The following TPH2 variants were observed in gnomAD, a reference collection of about 807,000 sequenced individuals.
The protein encoded by TPH2 is tryptophan hydroxylase 2, also known as tryptophan 5-hydroxylase 2.
In TPH2, 27 loss-of-function variants were observed where a neutral mutation model predicts 59.1. That is an observed-to-expected ratio of 0.46 (90% CI 0.34 to 0.63). The LOEUF is 0.63. Among genes scored for constraint, TPH2 ranks in the 30% least tolerant of loss-of-function variants. The pLI is 0.01. For synonymous variants in TPH2, 220 were observed against 210.5 expected (o/e 1.05, Z -0.39); for missense variants, 523 against 588.3 (o/e 0.89, Z 1.15).
chr12:71,987,900 C>T (rs1017933), intron 7 of TPH2, among the ~76,000 whole-genome samples: 128,823 of 152,170 alleles, frequency 0.85, 54,638 homozygotes, highest in East Asian at 0.96. Flanking sequence ...ACAATCTCCA[C>T]TTTATAGATG....
At chr12:71,954,907 A>T (rs1257081998) in intron 5 of TPH2, among the ~76,000 whole-genome samples, 2 of 151,984 alleles carry the variant, frequency 1.3e-5, no homozygotes, top group Non-Finnish European at 2.9e-5. Flanking sequence ...CTGAGCTCCT[A>T]CTTTAATTAT....
intron 8 of TPH2, among the ~76,000 whole-genome samples, chr12:72,005,826 A>G (rs1284510203): frequency 6.6e-6 from 1 of 152,144 alleles, no homozygotes; most frequent in Non-Finnish European, 1.5e-5. Context: ...TTTTCCACAC[A>G]TATTTCCTCA....
chr12:72,031,218 T>G, intron 9 of TPH2, 40 bp from the exon 10 acceptor site: 1 of 1,612,818 alleles, frequency 6.2e-7, no homozygotes, highest in Non-Finnish European at 8.5e-7. Flanking sequence ...TTCGGAAGTC[T>G]CATTACAGAG....
In TPH2 at chr12:72,002,758, T is replaced by C. The variant is rs557686785; in HGVS notation, c.1068+8193T>C. Among the ~76,000 whole-genome samples, 97 of 78,206 alleles carry C rather than the reference T, an allele frequency of 1.2e-3. No individual in the cohort carries two copies. In the East Asian group the frequency reaches 0.019, roughly 15 times the overall value. The allele number at this position is 78,206 out of a possible 152,430, so 51.3% of individuals were successfully genotyped here. On this transcript the variant is annotated intron_variant, in intron 8 of 10. Transcript: ENST00000333850. ...CAGACCATCACCTATTTTATTTTACTTTTTTTTTTTTTGCAGGAAAGAAGT... is the reference window on the plus strand; with the variant it reads ...CAGACCATCACCTATTTTATTTTACCTTTTTTTTTTTTGCAGGAAAGAAGT...
chr12:71,980,071 G>T (rs1466834459), intron 7 of TPH2, among the ~76,000 whole-genome samples: 1 of 152,166 alleles, frequency 6.6e-6, no homozygotes, highest in East Asian at 1.9e-4. Context: ...AGTCCTGGGT[G>T]CTGTTTTTTG....
At chr12:71,941,231 G>A (rs981219906) in intron 1 of TPH2, among the ~76,000 whole-genome samples, 1 of 152,180 alleles carries the variant, frequency 6.6e-6, no homozygotes, top group Non-Finnish European at 1.5e-5. Flanking sequence ...ACGAGGCTAA[G>A]AGATCAAATT....
chr12:71,987,875 G>C (rs1238355916), intron 7 of TPH2, among the ~76,000 whole-genome samples: 1 of 152,056 alleles, frequency 6.6e-6, no homozygotes, highest in Non-Finnish European at 1.5e-5. Flanking sequence ...AATAATATAA[G>C]AGAGAAGAAA....
chr12:71,958,154 A>G (rs1359962682), intron 5 of TPH2, among the ~76,000 whole-genome samples: 1 of 152,234 alleles, frequency 6.6e-6, no homozygotes, highest in East Asian at 1.9e-4. Flanking sequence ...CCAGGTATAG[A>G]TGCTTAAAAT....
At chr12:71,942,756 T>G (rs1871107491) in intron 2 of TPH2, among the ~76,000 whole-genome samples, 1 of 152,228 alleles carries the variant, frequency 6.6e-6, no homozygotes, top group Non-Finnish European at 1.5e-5. Context: ...AGAAGCCTGA[T>G]TTGGCAAATA....
chr12:72,017,993 T>C (rs1873305477), intron 8 of TPH2, among the ~76,000 whole-genome samples: 1 of 152,218 alleles, frequency 6.6e-6, no homozygotes, highest in South Asian at 2.1e-4. Flanking sequence ...AAGTTTGTGA[T>C]TCAAATTTTG....
chr12:71,961,281 A>G (rs1871674223), intron 5 of TPH2, among the ~76,000 whole-genome samples: 1 of 152,228 alleles, frequency 6.6e-6, no homozygotes, highest in Non-Finnish European at 1.5e-5. Context: ...ATAGTCATTT[A>G]GTCACTCTGT....
At chr12:71,968,432 G>T (rs1480876592) in intron 5 of TPH2, among the ~76,000 whole-genome samples, 1 of 152,176 alleles carries the variant, frequency 6.6e-6, no homozygotes, top group Non-Finnish European at 1.5e-5. Context: ...CTGGGCATTA[G>T]ACTTCATGTT....
intron 8 of TPH2, 74 bp downstream of exon 8, chr12:71,994,639 G>A: frequency 6.4e-7 from 1 of 1,568,658 alleles, no homozygotes; most frequent in Non-Finnish European, 8.7e-7. Context: ...CAGGATTATT[G>A]ACTATGAGTT....
chr12:72,015,783 C>T (rs990344815), intron 8 of TPH2, among the ~76,000 whole-genome samples: 83 of 152,166 alleles, frequency 5.5e-4, no homozygotes, highest in African/African-American at 2.0e-3. Flanking sequence ...GAATTCCCAG[C>T]TTTATAGACA....
rs1381643809 is a variant in TPH2, at chr12:71,972,612, T to C, written c.702T>C (p.His234=). ...AGCTCTCCAAACTCTATCCCACTCA[T>C]GCTTGCCGAGAGTATTTGAAAAACT... ...FRELSKLYPT[H]ACREYLKNFP... Residue 234 remains histidine, a synonymous_variant, in exon 6 of 11, where the codon CAT becomes CAC. Transcript: ENST00000333850. 2 of 1,614,172 alleles carry C rather than the reference T, an allele frequency of 1.2e-6. No individual in the cohort carries two copies. The highest frequency in any genetic ancestry group is 1.7e-6 in the Non-Finnish European group (2 of 1,180,004).
chr12:71,979,130 G>T, intron 7 of TPH2, 43 bp downstream of exon 7: 3 of 1,613,338 alleles, frequency 1.9e-6, no homozygotes, highest in Non-Finnish European at 2.5e-6. Context: ...ACCATAAAGT[G>T]GTCAATGATC....
At chr12:71,946,175 G>T (rs1871192576) in intron 4 of TPH2, among the ~76,000 whole-genome samples, 1 of 152,110 alleles carries the variant, frequency 6.6e-6, no homozygotes, top group South Asian at 2.1e-4. Context: ...GACCTCAAAG[G>T]GGTGTTTGAA....
chr12:71,966,136 A>G (rs890666448), intron 5 of TPH2, among the ~76,000 whole-genome samples: 4 of 152,220 alleles, frequency 2.6e-5, no homozygotes, highest in African/African-American at 7.2e-5. Flanking sequence ...ATTATGCCAA[A>G]TTCAGGGTAT....
intron 8 of TPH2, among the ~76,000 whole-genome samples, chr12:72,019,185 A>G (rs1592414342): frequency 6.6e-6 from 1 of 151,670 alleles, no homozygotes; most frequent in South Asian, 2.1e-4. Flanking sequence ...ACTTCTCCCA[A>G]CCCCCTGCCA....
Sources: allele counts gnomAD v4.1 joint callset (sites outside exome capture counted in the v4.1 genomes callset), GRCh38; gene constraint gnomAD v4.1.1; transcripts MANE v1.5; gene names NCBI Gene and HGNC (gene_info 2026-07-23, HGNC 2026-07-21).